MRPS25: variants seen among roughly 807,000 people sequenced by gnomAD.
The protein encoded by MRPS25 is small ribosomal subunit protein mS25.
Under a neutral mutation model 17.3 loss-of-function variants are expected in MRPS25, and 15 were observed. The observed-to-expected ratio is 0.87, with a 90% CI of 0.58 to 1.34. The LOEUF (loss-of-function observed/expected upper bound fraction) is 1.34. Among genes scored for constraint, MRPS25 ranks in the 40% most tolerant of loss-of-function variants. The probability of loss-of-function intolerance (pLI) is 0.00; values close to 1 mark genes in which losing one functional copy is unlikely to be tolerated. For synonymous variants in MRPS25, 94 were observed against 83.3 expected (o/e 1.13, Z -0.70); for missense variants, 225 against 218.6 (o/e 1.03, Z -0.19).
chr3:15,060,610 C>T (rs2042739442), intron 1 of MRPS25, among the ~76,000 whole-genome samples: 1 of 151,842 alleles, frequency 6.6e-6, no homozygotes, highest in Non-Finnish European at 1.5e-5. Flanking sequence ...CCGCCGGGCG[C>T]GGTGGCTCAT....
intron 2 of MRPS25, 122 bp downstream of exon 2, chr3:15,059,247 G>T: frequency 1.4e-6 from 1 of 705,990 alleles, no homozygotes; most frequent in Admixed American, 2.2e-5. Flanking sequence ...AAAGGTGCCA[G>T]GAGTCACAGA....
rs1169928228 is a variant in MRPS25 at position 15,049,220 on chromosome 3, T to TTAATACTACTACC, written c.*3208_*3220dup. 16 of 152,702 alleles carry TTAATACTACTACC rather than the reference T, an allele frequency of 1.0e-4. No homozygotes were observed. The highest frequency in any genetic ancestry group is 1.4e-4 in the African/African-American group (6 of 41,470). 9.5% of individuals were successfully genotyped at this position (152,702 alleles called of 1,614,324 possible). ...TTCAATGTGGCATTATTGTTGTGGC[T>TTAATACTACTACC]TAATACTACTACCTAAATGAGGTTT... On this transcript the variant is annotated 3_prime_UTR_variant, in exon 4 of 4. Transcript: ENST00000253686.
At chr3:15,062,507 G>A (rs1261441490) in intron 1 of MRPS25, among the ~76,000 whole-genome samples, 4 of 150,082 alleles carry the variant, frequency 2.7e-5, no homozygotes, top group East Asian at 2.0e-4. Flanking sequence ...GCCTCTGCCC[G>A]GCCGCCCCTA....
At chr3:15,046,627 C>T (rs2042462053), downstream of MRPS25, 1 of 152,298 alleles carries the variant, frequency 6.6e-6, no homozygotes, top group Admixed American at 6.5e-5. Context: ...TCATTGGAGT[C>T]CAGAAGCTTG....
In MRPS25 at chr3:15,049,779, G is replaced by T; in HGVS notation, c.*2662C>A. 1 of 721,382 alleles carries T rather than the reference G, an allele frequency of 1.4e-6. No individual in the cohort carries two copies. Among genetic ancestry groups the T allele is most frequent in the Non-Finnish European group, 2.3e-6 (1 of 429,564 alleles). The allele number at this position is 721,382 out of a possible 1,614,324, so 44.7% of individuals were successfully genotyped here. A position where few individuals can be genotyped will look rare whatever the true frequency, so the allele number is the denominator to read the frequency against. On this transcript the variant is annotated 3_prime_UTR_variant, in exon 4 of 4. Coordinates refer to ENST00000253686, the MANE Select transcript of MRPS25 (RefSeq NM_022497.5). The stretch of plus-strand genomic sequence containing the variant: ...GACAGAACTCACTGGCAGGCAGATA[G>T]GGCCTCACTCCGTCACCCAGGCTGG...
chr3:15,056,407 C>G (rs961922746), intron 2 of MRPS25, among the ~76,000 whole-genome samples: 9 of 152,152 alleles, frequency 5.9e-5, no homozygotes, highest in African/African-American at 2.2e-4. Context: ...TCCTAACCCC[C>G]AGAACCTTAC....
chr3:15,052,127 G>T lies in MRPS25; in HGVS notation c.*314C>A. On this transcript the variant is annotated 3_prime_UTR_variant, in exon 4 of 4. Coordinates refer to ENST00000253686, the MANE Select transcript of MRPS25 (RefSeq NM_022497.5). ...GCAGGACCAAAACAGGTGTCAACAG[G>T]CTGTGGCCTTAACCTCTCAGGCCCA... The T allele has an allele frequency of 2.8e-6, 3 of 1,084,722 alleles. No individual in the cohort carries two copies. The highest frequency in any genetic ancestry group is 3.4e-6 in the Non-Finnish European group (3 of 893,454). 67.2% of individuals were successfully genotyped at this position (1,084,722 alleles called of 1,614,324 possible).
At chr3:15,061,673 G>A (rs528929064) in intron 1 of MRPS25, among the ~76,000 whole-genome samples, 4 of 151,152 alleles carry the variant, frequency 2.6e-5, no homozygotes, top group East Asian at 3.9e-4. Context: ...CTGCCTGGCC[G>A]CCCATCATCT....
intron 2 of MRPS25, among the ~76,000 whole-genome samples, chr3:15,055,582 T>C (rs932450471): frequency 2.6e-5 from 4 of 152,190 alleles, no homozygotes; most frequent in African/African-American, 7.2e-5. Context: ...AAAAGAAGTA[T>C]AACTGTCTTT....
At chr3:15,052,689 G>A (rs1237470301) in intron 3 of MRPS25, 56 bp from the exon 4 acceptor site, 11 of 1,571,942 alleles carry the variant, frequency 7.0e-6, no homozygotes, top group Non-Finnish European at 9.5e-6. Flanking sequence ...GGCAGGCACA[G>A]GGCAGTTTCT....
Position 15,065,090 on chromosome 3 carries a change from G to GT in MRPS25, c.104dup (p.Asn35LysfsTer34). ...CGCCCTCGCCCAGCTCCCCATGCGT[G>GT]TTGTAATTCACTGTCATGACCTTCA... On this transcript the variant is annotated frameshift_variant, in exon 1 of 4. Transcript: ENST00000253686. LOFTEE classifies it high-confidence loss of function. The GT allele has an allele frequency of 1.2e-6, 2 of 1,606,194 alleles. No individual in the cohort carries two copies. The highest frequency in any genetic ancestry group is 1.7e-4 in the Middle Eastern group (1 of 6,048).
chr3:15,052,030 A>G lies in MRPS25; in HGVS notation c.*411T>C, dbSNP rs1446204840. The G allele has an allele frequency of 1.0e-6, 1 of 1,000,598 alleles. No homozygotes were observed. Among genetic ancestry groups the G allele is most frequent in the Non-Finnish European group, 1.2e-6 (1 of 839,744 alleles). 62.0% of individuals were successfully genotyped at this position (1,000,598 alleles called of 1,614,324 possible). A position where few individuals can be genotyped will look rare whatever the true frequency, so the allele number is the denominator to read the frequency against. ...CAGACAGTGCTAGCCAGACTCAACC[A>G]CAGCAGCCCTTATGTTCTCCAGAGT... is the stretch of plus-strand genomic sequence containing the variant. On this transcript the variant is annotated 3_prime_UTR_variant, in exon 4 of 4. Transcript: ENST00000253686.
downstream of MRPS25, chr3:15,047,402 G>A (rs1245102254): frequency 6.6e-6 from 1 of 152,228 alleles, no homozygotes; most frequent in Non-Finnish European, 1.5e-5. Context: ...CTGGAAGACA[G>A]TTTATCTTAA....
Position 15,051,314 on chromosome 3 carries a change from G to T in MRPS25, c.*1127C>A, listed in dbSNP as rs546313026. On this transcript the variant is annotated 3_prime_UTR_variant, in exon 4 of 4. Transcript: ENST00000253686. ...TCCTCCCACCTCAGCTTCCCAAATA[G>T]CTGGGACTACAGACGCGAAACACCA... is the stretch of plus-strand genomic sequence containing the variant. The T allele has an allele frequency of 1.7e-6, 1 of 582,006 alleles. No individual in the cohort carries two copies. The highest frequency in any genetic ancestry group is 2.2e-6 in the Non-Finnish European group (1 of 461,534). The allele number at this position is 582,006 out of a possible 1,614,324, so 36.1% of individuals were successfully genotyped here.
Position 15,051,329 on chromosome 3 carries a change from G to A in MRPS25, c.*1112C>T, listed in dbSNP as rs893605449. On this transcript the variant is annotated 3_prime_UTR_variant, in exon 4 of 4. Transcript: ENST00000253686. Reference sequence around the variant, plus strand: ...TTCCCAAATAGCTGGGACTACAGACGCGAAACACCACACCCATCTAATTTT... The same window carrying A: ...TTCCCAAATAGCTGGGACTACAGACACGAAACACCACACCCATCTAATTTT... 2.3e-5 allele frequency: 12 copies of A among 517,770 alleles called. No homozygotes were observed. The highest frequency in any genetic ancestry group is 1.7e-4 in the South Asian group (2 of 11,988). 32.1% of individuals were successfully genotyped at this position (517,770 alleles called of 1,614,324 possible).
chr3:15,052,689 G>C (rs1237470301), intron 3 of MRPS25, 56 bp from the exon 4 acceptor site: 3 of 1,571,942 alleles, frequency 1.9e-6, no homozygotes, highest in Non-Finnish European at 2.6e-6. Context: ...GGCAGGCACA[G>C]GGCAGTTTCT....
chr3:15,043,640 G>T (rs564104093), downstream of MRPS25: 1 of 152,610 alleles, frequency 6.6e-6, no homozygotes, highest in Non-Finnish European at 1.5e-5. Flanking sequence ...GAATGGAAAC[G>T]TGGCTCATTT....
downstream of MRPS25, chr3:15,042,706 A>AGGTG (rs559347033): frequency 8.3e-4 from 608 of 735,056 alleles, 5 homozygotes; most frequent in East Asian, 0.014. Flanking sequence ...CAGAAAAGAG[A>AGGTG]GGTGGGTGGA....
chr3:15,060,530 A>AAG (rs1553583221), intron 1 of MRPS25, among the ~76,000 whole-genome samples: 2 of 151,400 alleles, frequency 1.3e-5, no homozygotes, highest in African/African-American at 4.8e-5. Context: ...AAAAAAAAAA[A>AAG]AAAAGAAAAG....
Sources: gnomAD v4.1 joint callset for allele counts (sites outside exome capture counted in the v4.1 genomes callset) on GRCh38, gnomAD v4.1.1 for gene constraint, MANE v1.5 for transcripts, NCBI Gene and HGNC (gene_info 2026-07-23, HGNC 2026-07-21) for gene names.